Variants in OR51B5 observed in about 807,000 individuals in gnomAD.
OR51B5 encodes olfactory receptor family 51 subfamily B member 5.
For synonymous variants in OR51B5, 186 were observed against 144.8 expected, an observed-to-expected ratio of 1.28 and a Z score of -2.04; for missense variants, 456 against 374.6, an observed-to-expected ratio of 1.22 and a Z score of -1.79.
At chr11:5,441,410 G>C in intron 1 of OR51B5, 1 of 1,613,934 alleles carries the variant, frequency 6.2e-7, no homozygotes. Flanking sequence ...TCATGTAGAG[G>C]ATGCAGAAAA....
intron 1 of OR51B5, among the ~76,000 whole-genome samples, chr11:5,471,083 C>A (rs768809434): frequency 4.6e-5 from 7 of 152,186 alleles, no homozygotes; most frequent in Non-Finnish European, 8.8e-5. Context: ...CATTTCATTT[C>A]TTCTCATAAT....
At chr11:5,461,768 T>C (rs1851057763) in intron 1 of OR51B5, among the ~76,000 whole-genome samples, 2 of 152,170 alleles carry the variant, frequency 1.3e-5, no homozygotes, top group Admixed American at 1.3e-4. Flanking sequence ...GGTCACTACA[T>C]GCCTATGTTT....
chr11:5,487,238 C>G (rs148974493), intron 1 of OR51B5, among the ~76,000 whole-genome samples: 1 of 151,970 alleles, frequency 6.6e-6, no homozygotes, highest in Admixed American at 6.6e-5. Flanking sequence ...TCTCTTTTAT[C>G]GAGAGTATAT....
chr11:5,418,396 A>G (rs1360299030), intron 1 of OR51B5, among the ~76,000 whole-genome samples: 2 of 148,758 alleles, frequency 1.3e-5, no homozygotes, highest in Admixed American at 6.8e-5. Flanking sequence ...CCTAAAACTT[A>G]AAGTATAATA....
chr11:5,349,762 T>C (rs1256283110), intron 1 of OR51B5, among the ~76,000 whole-genome samples: 2 of 152,136 alleles, frequency 1.3e-5, no homozygotes, highest in African/African-American at 4.8e-5. Context: ...TACCTCCTTT[T>C]CTCACTTTTT....
chr11:5,345,969 A>G (rs1258327124), upstream of OR51B5: 1 of 152,182 alleles, frequency 6.6e-6, no homozygotes, highest in African/African-American at 2.4e-5. Flanking sequence ...TTCAGTTACT[A>G]GACGCAAAGA....
chr11:5,419,196 T>G (rs1272691634), intron 1 of OR51B5, among the ~76,000 whole-genome samples: 1 of 152,204 alleles, frequency 6.6e-6, no homozygotes, highest in Admixed American at 6.5e-5. Flanking sequence ...GTCACAGACA[T>G]CCCAAAATCA....
chr11:5,465,042 T>C (rs1851116581), intron 1 of OR51B5, among the ~76,000 whole-genome samples: 1 of 151,790 alleles, frequency 6.6e-6, no homozygotes, highest in South Asian at 2.1e-4. Context: ...CCGTCTCTAC[T>C]AAAAATACAG....
chr11:5,344,569 G>A (rs1476971987), upstream of OR51B5, among the ~76,000 whole-genome samples: 1 of 77,130 alleles, frequency 1.3e-5, no homozygotes, highest in Admixed American at 1.2e-4. Context: ...CTTTGAGAAG[G>A]TTTTAATATT....
chr11:5,372,157 T>A (rs1849457551), intron 1 of OR51B5, among the ~76,000 whole-genome samples: 1 of 152,210 alleles, frequency 6.6e-6, no homozygotes, highest in South Asian at 2.1e-4. Flanking sequence ...TGTCTTTATC[T>A]GTTCATCTAT....
chr11:5,473,897 A>C (rs16926553), intron 1 of OR51B5, among the ~76,000 whole-genome samples: 16,119 of 151,422 alleles, frequency 0.11, 902 homozygotes, highest in Middle Eastern at 0.17. Context: ...GTGCATGAGA[A>C]TGGGGAGAGA....
At chr11:5,342,427 G>T, downstream of OR51B5, 4 of 419,942 alleles carry the variant, frequency 9.5e-6, no homozygotes, top group Non-Finnish European at 1.3e-5. Flanking sequence ...TAGCTAAAGA[G>T]TTGGGCTTAA....
chr11:5,386,572 G>A (rs1564795929), intron 1 of OR51B5, among the ~76,000 whole-genome samples: 2 of 151,932 alleles, frequency 1.3e-5, no homozygotes. Context: ...TTATTCTAAT[G>A]ATAGGAGCTA....
chr11:5,441,644 A>G (rs940761046), intron 1 of OR51B5: 1 of 685,686 alleles, frequency 1.5e-6, no homozygotes. Flanking sequence ...CTGCCTTCCC[A>G]GTAAGACACT....
intron 1 of OR51B5, among the ~76,000 whole-genome samples, chr11:5,475,887 C>A (rs143839890): frequency 4.2e-4 from 62 of 147,314 alleles, no homozygotes; most frequent in Middle Eastern, 7.4e-3. Context: ...TAGCATACAC[C>A]TATTCAACCT....
intron 1 of OR51B5, among the ~76,000 whole-genome samples, chr11:5,414,921 G>A (rs540050255): frequency 1.6e-4 from 24 of 152,194 alleles, no homozygotes; most frequent in East Asian, 3.9e-4. Context: ...TGCACCAAGC[G>A]GACCTAATAA....
At chr11:5,465,548 C>A (rs1219862252) in intron 1 of OR51B5, among the ~76,000 whole-genome samples, 1 of 150,714 alleles carries the variant, frequency 6.6e-6, no homozygotes, top group Non-Finnish European at 1.5e-5. Context: ...CACTACCTGA[C>A]TTCAAACTAT....
intron 1 of OR51B5, among the ~76,000 whole-genome samples, chr11:5,432,414 G>C (rs183854033): frequency 6.6e-6 from 1 of 152,298 alleles, no homozygotes; most frequent in East Asian, 1.9e-4. Flanking sequence ...TTTATACTCT[G>C]ATCCAAAATT....
intron 1 of OR51B5, among the ~76,000 whole-genome samples, chr11:5,349,927 A>ATAT (rs1276807594): frequency 7.2e-5 from 11 of 152,070 alleles, no homozygotes; most frequent in Admixed American, 5.9e-4. Flanking sequence ...TGCTGATTAG[A>ATAT]GAAACTATAG....
Sources: gnomAD v4.1 joint callset for allele counts (sites outside exome capture counted in the v4.1 genomes callset) on GRCh38, gnomAD v4.1.1 for gene constraint, MANE v1.5 for transcripts, NCBI Gene and HGNC (gene_info 2026-07-23, HGNC 2026-07-21) for gene names.